The following MBD5 variants were observed in gnomAD, a reference collection of about 807,000 sequenced individuals.
The protein encoded by MBD5 is methyl-CpG-binding domain protein 5.
In MBD5, 13 loss-of-function variants were observed where a neutral mutation model predicts 117.3. That is an observed-to-expected ratio of 0.11 (90% CI 0.07 to 0.18). The LOEUF is 0.18. Ranked by LOEUF, MBD5 falls within the 10% of genes least tolerant of loss-of-function variation. The pLI, the probability that MBD5 is intolerant of heterozygous loss-of-function variation, is 1.00. For missense variants in MBD5, 1,879 were observed against 2,093.8 expected (o/e 0.90, Z 2.00); for synonymous variants, 727 against 766.4 (o/e 0.95, Z 0.85).
At position 148,489,814 on chromosome 2, in the gene MBD5, A is replaced by G. The variant is rs775314520; in HGVS notation, c.4182A>G (p.Ser1394=). ...ATCATGATGGTAGGCTGAGGAATTC[A>G]AGAGGGGCTCGGCTGCCCAAGAATC... ...GVDHDGRLRN[S]RGARLPKNLD... is the part of the protein sequence containing the mutation. Residue 1394 remains serine, a synonymous_variant, in exon 11 of 14, where the codon TCA becomes TCG. Coordinates refer to ENST00000642680, the MANE Select transcript of MBD5 (RefSeq NM_001378120.1). 38 of 1,614,050 alleles carry G rather than the reference A, an allele frequency of 2.4e-5. No homozygotes were observed. In the African/African-American group the frequency reaches 4.4e-4, roughly 19 times the overall value.
At chr2:148,293,904 T>C (rs181042137) in intron 3 of MBD5, among the ~76,000 whole-genome samples, 48 of 152,372 alleles carry the variant, frequency 3.2e-4, no homozygotes, top group Admixed American at 1.4e-3. Flanking sequence ...CTATATGTGA[T>C]AGACCCACAG....
chr2:148,397,543 A>G (rs559378835), intron 4 of MBD5, among the ~76,000 whole-genome samples: 41 of 152,096 alleles, frequency 2.7e-4, no homozygotes, highest in African/African-American at 8.7e-4. Flanking sequence ...GTTAGCCAGT[A>G]TGGTCTCGAT....
chr2:148,479,142 T>C (rs141733914), intron 8 of MBD5, among the ~76,000 whole-genome samples: 87 of 152,318 alleles, frequency 5.7e-4, no homozygotes, highest in Non-Finnish European at 1.1e-3. Context: ...TTTGAATGAC[T>C]GTAAGCATGA....
chr2:148,396,246 C>A (rs1374376933), intron 4 of MBD5, among the ~76,000 whole-genome samples: 1 of 152,194 alleles, frequency 6.6e-6, no homozygotes, highest in East Asian at 1.9e-4. Context: ...GGTATGGAGA[C>A]CTCCTTACTT....
chr2:148,494,317 A>C (rs1360449932), intron 11 of MBD5, among the ~76,000 whole-genome samples: 1 of 152,012 alleles, frequency 6.6e-6, no homozygotes, highest in Non-Finnish European at 1.5e-5. Context: ...ATTATAAGCT[A>C]GTGTTAGCTG....
At chr2:148,179,898 A>G (rs1252750208) in intron 2 of MBD5, among the ~76,000 whole-genome samples, 1 of 152,196 alleles carries the variant, frequency 6.6e-6, no homozygotes, top group Non-Finnish European at 1.5e-5. Flanking sequence ...GTTTTTTTAA[A>G]GAACAGAAAT....
intron 1 of MBD5, among the ~76,000 whole-genome samples, chr2:148,154,033 C>T (rs1378224409): frequency 4.1e-5 from 4 of 98,518 alleles, no homozygotes; most frequent in African/African-American, 1.0e-4. Flanking sequence ...TTAGAGTTTC[C>T]AGTTTTTCTG....
At chr2:148,489,207 A>T in intron 10 of MBD5, among the ~76,000 whole-genome samples, 179 bp from the exon 11 acceptor site, 1 of 152,264 alleles carries the variant, frequency 6.6e-6, no homozygotes, top group East Asian at 1.9e-4. Context: ...AATATAATCA[A>T]GACATAAGCT....
chr2:148,418,788 ACCATAGTGCC>A (rs1433462868), intron 4 of MBD5, among the ~76,000 whole-genome samples: 1 of 152,202 alleles, frequency 6.6e-6, no homozygotes, highest in Non-Finnish European at 1.5e-5. Flanking sequence ...CATGAAAATG[ACCATAGTGCC>A]CCAAACAATC....
chr2:148,498,751 C>T (rs923906163), intron 11 of MBD5, among the ~76,000 whole-genome samples: 2 of 152,064 alleles, frequency 1.3e-5, no homozygotes, highest in African/African-American at 4.8e-5. Context: ...ACATGAGGTC[C>T]CACTGTGCTG....
intron 3 of MBD5, among the ~76,000 whole-genome samples, chr2:148,328,172 C>A (rs201999095): frequency 2.3e-4 from 34 of 147,858 alleles, no homozygotes; most frequent in African/African-American, 8.2e-4. Flanking sequence ...GGGTCAGGGA[C>A]CCACTTGAGG....
chr2:148,028,986 G>T (rs1179437864), intron 1 of MBD5, among the ~76,000 whole-genome samples: 2 of 151,992 alleles, frequency 1.3e-5, no homozygotes. Flanking sequence ...TCTGCTGATG[G>T]TATTAGAATG....
chr2:148,081,040 A>G (rs1188724592), intron 1 of MBD5, among the ~76,000 whole-genome samples: 2 of 152,210 alleles, frequency 1.3e-5, no homozygotes, highest in Non-Finnish European at 2.9e-5. Context: ...TATATTAAAT[A>G]TAAGGATATT....
chr2:148,405,641 T>A (rs1184807773), intron 4 of MBD5, among the ~76,000 whole-genome samples: 1 of 152,216 alleles, frequency 6.6e-6, no homozygotes, highest in Admixed American at 6.5e-5. Context: ...AAGGACTGAA[T>A]CTTAGATTAT....
At chr2:148,280,152 A>AC (rs1701215445) in intron 3 of MBD5, among the ~76,000 whole-genome samples, 1 of 147,746 alleles carries the variant, frequency 6.8e-6, no homozygotes, top group African/African-American at 2.6e-5. Context: ...AAAAAAAAAC[A>AC]AAAAGAAAAA....
chr2:148,260,134 A>G (rs2106293244), intron 3 of MBD5, among the ~76,000 whole-genome samples: 1 of 152,348 alleles, frequency 6.6e-6, no homozygotes, highest in East Asian at 1.9e-4. Context: ...TCTCTAGCAT[A>G]AAATGCAGTT....
chr2:148,435,948 T>C (rs1706143043), intron 4 of MBD5, among the ~76,000 whole-genome samples: 1 of 152,248 alleles, frequency 6.6e-6, no homozygotes, highest in South Asian at 2.1e-4. Flanking sequence ...TAAGAGAGTG[T>C]CCTCTGTAGT....
chr2:148,059,045 T>C (rs1694953164), intron 1 of MBD5, among the ~76,000 whole-genome samples: 1 of 152,210 alleles, frequency 6.6e-6, no homozygotes, highest in African/African-American at 2.4e-5. Context: ...CTTACTTGAA[T>C]GTGTACCTTT....
chr2:148,138,808 T>C (rs1697234118), intron 1 of MBD5, among the ~76,000 whole-genome samples: 1 of 152,198 alleles, frequency 6.6e-6, no homozygotes, highest in Non-Finnish European at 1.5e-5. Context: ...CTCCACAAGA[T>C]AAATCCTTTT....
Sources: gnomAD v4.1 joint callset for allele counts (sites outside exome capture counted in the v4.1 genomes callset) on GRCh38, gnomAD v4.1.1 for gene constraint, MANE v1.5 for transcripts, NCBI Gene and HGNC (gene_info 2026-07-23, HGNC 2026-07-21) for gene names.